Variants in MBD5 observed in about 807,000 individuals in gnomAD.
MBD5 encodes methyl-CpG-binding domain protein 5.
A neutral mutation model predicts 117.3 loss-of-function variants in MBD5; 13 were observed. The observed-to-expected ratio is 0.11, with a 90% CI of 0.07 to 0.18. The LOEUF is 0.18. Among genes scored for constraint, MBD5 ranks in the 10% least tolerant of loss-of-function variants. The probability of loss-of-function intolerance (pLI) is 1.00; values close to 1 mark genes in which losing one functional copy is unlikely to be tolerated. For missense variants in MBD5, 1,879 were observed against 2,093.8 expected, an observed-to-expected ratio of 0.90 and a Z score of 2.00; for synonymous variants, 727 against 766.4, an observed-to-expected ratio of 0.95 and a Z score of 0.85.
At chr2:148,158,875 A>G (rs886807069) in intron 1 of MBD5, among the ~76,000 whole-genome samples, 4 of 152,308 alleles carry the variant, frequency 2.6e-5, no homozygotes, top group African/African-American at 7.2e-5. Context: ...GCCCGCCACC[A>G]TGCCTGGCTA....
intron 1 of MBD5, among the ~76,000 whole-genome samples, chr2:148,176,210 A>G (rs1244781587): frequency 2.0e-5 from 3 of 151,740 alleles, no homozygotes; most frequent in African/African-American, 4.8e-5. Context: ...GAGCTAAAGT[A>G]TAGTTTTCTT....
rs1299437272 is a variant in MBD5 at position 148,470,087 on chromosome 2, T to C, written c.2144T>C (p.Leu715Ser). 6.2e-7 allele frequency: 1 copy of C among 1,613,898 alleles called. No individual in the cohort carries two copies. Among genetic ancestry groups the C allele is most frequent in the Non-Finnish European group, 8.5e-7 (1 of 1,179,890 alleles). ...TCTATGAGTTGTCAAAGCTCTCACT[T>C]GAGTAGCAATAGTACCCCGGGTTGT... ...LQSMSCQSSH[L>S]SSNSTPGCGA... Residue 715 changes from leucine to serine, a missense_variant, in exon 8 of 14, where the codon TTG (leucine) becomes TCG (serine). Leu to Ser is a moderately radical substitution (Grantham distance 145). Coordinates refer to ENST00000642680, the MANE Select transcript of MBD5 (RefSeq NM_001378120.1).
chr2:148,047,994 C>G (rs919540419), intron 1 of MBD5, among the ~76,000 whole-genome samples: 1 of 152,122 alleles, frequency 6.6e-6, no homozygotes, highest in Non-Finnish European at 1.5e-5. Context: ...AGATAATTCC[C>G]AACTTAAATA....
intron 1 of MBD5, among the ~76,000 whole-genome samples, chr2:148,158,455 T>TC (rs1265910578): frequency 1.3e-5 from 2 of 152,216 alleles, no homozygotes; most frequent in Non-Finnish European, 2.9e-5. Context: ...CATTTGGGAC[T>TC]CTGATTTTGT....
At chr2:148,121,786 GA>G (rs937931281) in intron 1 of MBD5, among the ~76,000 whole-genome samples, 2 of 151,976 alleles carry the variant, frequency 1.3e-5, no homozygotes, top group African/African-American at 4.8e-5. Context: ...TCTAAAAGCT[GA>G]AAAAACTACA....
intron 4 of MBD5, among the ~76,000 whole-genome samples, chr2:148,412,272 T>TGTGTG (rs1705276880): frequency 1.2e-4 from 18 of 144,480 alleles, no homozygotes; most frequent in South Asian, 2.2e-4. Context: ...AGTATACTTT[T>TGTGTG]TGTGTGTGTG....
intron 1 of MBD5, among the ~76,000 whole-genome samples, chr2:148,118,514 C>T (rs1469723363): frequency 2.6e-5 from 4 of 151,174 alleles, no homozygotes; most frequent in South Asian, 2.1e-4. Flanking sequence ...GAGGCTCAGG[C>T]GGGAGAATCT....
chr2:148,281,283 C>T (rs961590026), intron 3 of MBD5, among the ~76,000 whole-genome samples: 2 of 152,160 alleles, frequency 1.3e-5, no homozygotes, highest in African/African-American at 4.8e-5. Context: ...CTCTGTATCA[C>T]ATTCTCAGTG....
intron 8 of MBD5, among the ~76,000 whole-genome samples, chr2:148,482,517 C>T (rs902993877): frequency 2.0e-5 from 3 of 151,796 alleles, no homozygotes; most frequent in Admixed American, 2.0e-4. Context: ...ATATGCATGC[C>T]TGCATATGTA....
In MBD5 at chr2:148,175,377, C is replaced by T. The variant is rs116361177; in HGVS notation, c.-924-3323C>T. On this transcript the variant is annotated intron_variant, in intron 1 of 13. Transcript: ENST00000642680. ...CTTAATGGATCTTGATGTGATTAGG[C>T]ACATAGAATATTACATTTAGAAGCA... Among the ~76,000 whole-genome samples, 1,313 of 152,192 alleles carry T rather than the reference C, an allele frequency of 8.6e-3. 18 individuals are homozygous for T. Among genetic ancestry groups the T allele is most frequent in the Middle Eastern group, 0.031 (9 of 294 alleles).
chr2:148,265,032 G>T (rs1384315900), intron 3 of MBD5: 2 of 150,888 alleles, frequency 1.3e-5, no homozygotes, highest in East Asian at 3.9e-4. Flanking sequence ...ATCAACAGAT[G>T]TCATTTACAC....
At chr2:148,386,971 C>T (rs1282920455) in intron 4 of MBD5, among the ~76,000 whole-genome samples, 1 of 152,104 alleles carries the variant, frequency 6.6e-6, no homozygotes, top group African/African-American at 2.4e-5. Flanking sequence ...GTAACTGACC[C>T]CTGGCCTTTC....
intron 2 of MBD5, among the ~76,000 whole-genome samples, chr2:148,231,276 G>C (rs559826077): frequency 1.3e-5 from 2 of 152,230 alleles, no homozygotes; most frequent in East Asian, 3.9e-4. Context: ...TGGTTAAAAT[G>C]CTCCTTTTTT....
At position 148,366,238 on chromosome 2, in the gene MBD5, T is replaced by A. The variant is rs112489455; in HGVS notation, c.-557+23902T>A. Among the ~76,000 whole-genome samples, 248 of 152,032 alleles carry A rather than the reference T, an allele frequency of 1.6e-3. 1 individual carries two copies. The highest frequency in any genetic ancestry group is 5.5e-3 in the African/African-American group (229 of 41,458). On this transcript the variant is annotated intron_variant, in intron 4 of 13. Coordinates refer to ENST00000642680, the MANE Select transcript of MBD5 (RefSeq NM_001378120.1). The stretch of plus-strand genomic sequence containing the variant: ...AAATGACAAAAACCACATGATTATC[T>A]CAATAGATGCAAAAAAGGCCTTCGA...
intron 2 of MBD5, among the ~76,000 whole-genome samples, chr2:148,202,329 A>T (rs976166752): frequency 9.2e-5 from 14 of 152,158 alleles, no homozygotes; most frequent in African/African-American, 3.4e-4. Context: ...GCCTTCCCTG[A>T]GGTAGTGATA....
intron 1 of MBD5, chr2:148,072,049 C>G (rs571839314): frequency 1.3e-5 from 2 of 152,246 alleles, no homozygotes; most frequent in Non-Finnish European, 2.9e-5. Flanking sequence ...GCTAAATATA[C>G]GTATCTGTAC....
chr2:148,254,902 G>A (rs755818217), intron 3 of MBD5, among the ~76,000 whole-genome samples: 40 of 152,304 alleles, frequency 2.6e-4, no homozygotes, highest in Admixed American at 1.8e-3. Context: ...GGGGGCAGGC[G>A]TGCTGTGGGT....
At chr2:148,512,639 C>T (rs2105293238) in intron 13 of MBD5, among the ~76,000 whole-genome samples, 1 of 152,272 alleles carries the variant, frequency 6.6e-6, no homozygotes, top group South Asian at 2.1e-4. Flanking sequence ...CTATTGGCAC[C>T]CGCAGAGTGT....
intron 2 of MBD5, among the ~76,000 whole-genome samples, chr2:148,180,303 C>A: frequency 7.0e-6 from 1 of 142,184 alleles, no homozygotes; most frequent in South Asian, 2.2e-4. Flanking sequence ...CCTTCTTCTC[C>A]ACAGTCTAAA....
Sources: gnomAD v4.1 joint callset for allele counts (sites outside exome capture counted in the v4.1 genomes callset) on GRCh38, gnomAD v4.1.1 for gene constraint, MANE v1.5 for transcripts, NCBI Gene and HGNC (gene_info 2026-07-23, HGNC 2026-07-21) for gene names.